Variants in NEGR1 observed in about 807,000 individuals in gnomAD.
NEGR1 encodes the protein IgLON family member 4.
In NEGR1, 10 loss-of-function variants were observed where a neutral mutation model predicts 40.9. The ratio of observed to expected loss-of-function variants is 0.24; its 90% CI spans 0.15 to 0.42. NEGR1 has a LOEUF of 0.42. Among genes scored for constraint, NEGR1 ranks in the 10% least tolerant of loss-of-function variants. The pLI is 1.00. For synonymous variants in NEGR1, 185 were observed against 166.8 expected (o/e 1.11, Z -0.84); for missense variants, 352 against 438.9 (o/e 0.80, Z 1.77).
rs781621659 is a variant in NEGR1 at position 71,499,510 on chromosome 1, ATAT to A, written c.941-91943_941-91941del. 1.4e-4 allele frequency among the ~76,000 whole-genome samples: 21 copies of A among 148,172 alleles called. No homozygotes were observed. The East Asian group carries it at 2.0e-3, about 14-fold the overall frequency. On this transcript the variant is annotated intron_variant, in intron 6 of 6. Coordinates refer to ENST00000357731, the MANE Select transcript of NEGR1 (RefSeq NM_173808.3). ...GTATATATAATTGTATATGTTATAT[ATAT>A]TATTATTATATATATATTAGTGTTT... is the stretch of plus-strand genomic sequence containing the variant.
At position 72,249,842 on chromosome 1, in the gene NEGR1, A is replaced by C. The variant is rs556927238; in HGVS notation, c.176+32477T>G. On this transcript the variant is annotated intron_variant, in intron 1 of 6. Coordinates refer to ENST00000357731, the MANE Select transcript of NEGR1 (RefSeq NM_173808.3). Reference sequence around the variant, plus strand: ...AGTTATTCTGATATCTTTCTCAACGAATATAAAGCAACTATTATTTTGCAC... The same window carrying C: ...AGTTATTCTGATATCTTTCTCAACGCATATAAAGCAACTATTATTTTGCAC... Among the ~76,000 whole-genome samples the C allele has an allele frequency of 2.2e-4, 34 of 152,302 alleles. No individual in the cohort carries two copies. In the South Asian group the frequency reaches 7.1e-3, roughly 32 times the overall value.
intron 1 of NEGR1, among the ~76,000 whole-genome samples, chr1:72,008,822 T>A (rs189239793): frequency 1.3e-5 from 2 of 152,194 alleles, no homozygotes. Context: ...TTCATTAGAA[T>A]GACCCATAGC....
At chr1:71,552,763 T>C (rs1426038897) in intron 6 of NEGR1, among the ~76,000 whole-genome samples, 2 of 151,458 alleles carry the variant, frequency 1.3e-5, no homozygotes, top group South Asian at 4.1e-4. Context: ...GAATAAAATC[T>C]GGGTTTACTG....
At chr1:71,548,655 A>T (rs1647979287) in intron 6 of NEGR1, among the ~76,000 whole-genome samples, 1 of 151,684 alleles carries the variant, frequency 6.6e-6, no homozygotes, top group Non-Finnish European at 1.5e-5. Context: ...GATTGTTAAA[A>T]CATGCCGAGG....
chr1:71,699,759 A>G (rs921937117), intron 3 of NEGR1, among the ~76,000 whole-genome samples: 1 of 151,906 alleles, frequency 6.6e-6, no homozygotes, highest in Non-Finnish European at 1.5e-5. Flanking sequence ...CTTGAATTGT[A>G]TCTCCCAGAA....
At chr1:72,162,035 C>G (rs2100376826) in intron 1 of NEGR1, among the ~76,000 whole-genome samples, 1 of 152,134 alleles carries the variant, frequency 6.6e-6, no homozygotes, top group South Asian at 2.1e-4. Flanking sequence ...CTAAAAGTTA[C>G]AGATTGGGTG....
In NEGR1 at chr1:72,188,828, C is replaced by G. The variant is rs548671055; in HGVS notation, c.176+93491G>C. On this transcript the variant is annotated intron_variant, in intron 1 of 6. Transcript: ENST00000357731. ...TGATCTTATTTAAACAATAGTAAGGCCATCAAGTTAGGAAGGTCACTTCAA... is the reference window on the plus strand; with the variant it reads ...TGATCTTATTTAAACAATAGTAAGGGCATCAAGTTAGGAAGGTCACTTCAA... Among the ~76,000 whole-genome samples, 3 of 151,596 alleles carry G rather than the reference C, an allele frequency of 2.0e-5. No homozygotes were observed. In the South Asian group the frequency reaches 6.2e-4, roughly 31 times the overall value.
chr1:71,883,802 A>AC (rs553013552), intron 2 of NEGR1, among the ~76,000 whole-genome samples: 82 of 134,494 alleles, frequency 6.1e-4, no homozygotes, highest in Admixed American at 2.4e-3. Flanking sequence ...TTCAATTCCC[A>AC]CCCATGAGTG....
At chr1:71,780,408 G>A (rs1419542185) in intron 2 of NEGR1, among the ~76,000 whole-genome samples, 1 of 152,068 alleles carries the variant, frequency 6.6e-6, no homozygotes, top group Admixed American at 6.6e-5. Flanking sequence ...CAATGAAAAG[G>A]CAGAAGTCCT....
At chr1:72,103,359 G>A (rs953316766) in intron 1 of NEGR1, among the ~76,000 whole-genome samples, 5 of 152,118 alleles carry the variant, frequency 3.3e-5, no homozygotes, top group East Asian at 1.9e-4. Flanking sequence ...TATGTTGACA[G>A]AGCATAATTA....
intron 1 of NEGR1, among the ~76,000 whole-genome samples, chr1:72,007,834 AT>A (rs1646621306): frequency 6.6e-6 from 1 of 152,146 alleles, no homozygotes; most frequent in Non-Finnish European, 1.5e-5. Flanking sequence ...CATTAATACA[AT>A]ACTTTGCCTA....
intron 1 of NEGR1, among the ~76,000 whole-genome samples, chr1:72,149,161 T>G (rs1348397893): frequency 6.6e-6 from 1 of 152,112 alleles, no homozygotes; most frequent in East Asian, 1.9e-4. Context: ...AAGACACTTC[T>G]TACATGGGGG....
At chr1:71,545,127 A>C (rs1430659614) in intron 6 of NEGR1, among the ~76,000 whole-genome samples, 1 of 151,626 alleles carries the variant, frequency 6.6e-6, no homozygotes, top group East Asian at 2.0e-4. Flanking sequence ...ACAACAACAA[A>C]AAAATGAACT....
chr1:72,221,821 T>G (rs2100483729), intron 1 of NEGR1, among the ~76,000 whole-genome samples: 1 of 152,298 alleles, frequency 6.6e-6, no homozygotes, highest in South Asian at 2.1e-4. Flanking sequence ...GTGGTGTTTT[T>G]AAATCATAGC....
At chr1:72,253,735 T>C (rs367946551) in intron 1 of NEGR1, among the ~76,000 whole-genome samples, 1 of 152,174 alleles carries the variant, frequency 6.6e-6, no homozygotes, top group Non-Finnish European at 1.5e-5. Context: ...GATGGATGCA[T>C]TTAATTGAAA....
At chr1:72,087,929 T>C (rs1648290560) in intron 1 of NEGR1, among the ~76,000 whole-genome samples, 2 of 152,020 alleles carry the variant, frequency 1.3e-5, no homozygotes, top group South Asian at 2.1e-4. Flanking sequence ...AAATGCCCTT[T>C]ATGGCAGAAT....
At chr1:72,117,329 C>A (rs2100282387) in intron 1 of NEGR1, among the ~76,000 whole-genome samples, 1 of 151,784 alleles carries the variant, frequency 6.6e-6, no homozygotes, top group East Asian at 1.9e-4. Flanking sequence ...CCTCAGTGAT[C>A]CTTAAGCACA....
intron 1 of NEGR1, among the ~76,000 whole-genome samples, chr1:72,072,899 C>T (rs1237066860): frequency 6.6e-6 from 1 of 152,152 alleles, no homozygotes; most frequent in Non-Finnish European, 1.5e-5. Context: ...TAATCACCAT[C>T]TTGTGTCTTG....
chr1:71,773,187 C>T (rs1656389632), intron 3 of NEGR1, among the ~76,000 whole-genome samples: 1 of 152,094 alleles, frequency 6.6e-6, no homozygotes, highest in Non-Finnish European at 1.5e-5. Context: ...CTGTGACCAA[C>T]CACTTATTAC....
Sources: gnomAD v4.1 joint callset for allele counts (sites outside exome capture counted in the v4.1 genomes callset) on GRCh38, gnomAD v4.1.1 for gene constraint, MANE v1.5 for transcripts, NCBI Gene and HGNC (gene_info 2026-07-23, HGNC 2026-07-21) for gene names.